The following CHRM3 variants were observed in gnomAD, a reference collection of about 807,000 sequenced individuals.
CHRM3 encodes the protein cholinergic receptor muscarinic 3.
Under a neutral mutation model 41.8 loss-of-function variants are expected in CHRM3, and 11 were observed. That is an observed-to-expected ratio of 0.26 (90% confidence interval 0.17 to 0.44). The LOEUF (loss-of-function observed/expected upper bound fraction) is 0.44. CHRM3 is among the 20% of genes least tolerant of loss of function. The probability of loss-of-function intolerance (pLI) is 1.00; values close to 1 mark genes in which losing one functional copy is unlikely to be tolerated. For missense variants in CHRM3, 571 were observed against 745.4 expected, an observed-to-expected ratio of 0.77 and a Z score of 2.72; for synonymous variants, 297 against 301.4, an observed-to-expected ratio of 0.99 and a Z score of 0.15.
chr1:239,433,626 C>G (rs907703516), intron 1 of CHRM3, among the ~76,000 whole-genome samples: 3 of 151,978 alleles, frequency 2.0e-5, no homozygotes, highest in Non-Finnish European at 4.4e-5. Flanking sequence ...ACCCTTCCCC[C>G]AAGTTCCCAA....
intron 1 of CHRM3, among the ~76,000 whole-genome samples, chr1:239,489,241 G>T (rs1463787646): frequency 6.6e-6 from 1 of 152,036 alleles, no homozygotes. Flanking sequence ...GTGAAACCCT[G>T]TCGCTACTAA....
At chr1:239,461,056 G>A (rs890147503) in intron 1 of CHRM3, among the ~76,000 whole-genome samples, 2 of 152,126 alleles carry the variant, frequency 1.3e-5, no homozygotes, top group African/African-American at 4.8e-5. Flanking sequence ...GTTCTTCTAA[G>A]AGCCAACATG....
rs1004840015 is a variant in CHRM3, at chr1:239,910,473, T to C, written c.*1249T>C. On this transcript the variant is annotated 3_prime_UTR_variant, in exon 7 of 7. Transcript: ENST00000676153. Reference sequence around the variant, plus strand: ...TGTGGCCAGTGCTTTCTGGTGTTCATTGTGTAACCTTCACCCAGGAATAGG... The same window carrying C: ...TGTGGCCAGTGCTTTCTGGTGTTCACTGTGTAACCTTCACCCAGGAATAGG... 2.4e-5 allele frequency: 4 copies of C among 166,872 alleles called. No homozygotes were observed. Among genetic ancestry groups the C allele is most frequent in the African/African-American group, 9.7e-5 (4 of 41,384 alleles). 10.3% of individuals were successfully genotyped at this position (166,872 alleles called of 1,614,324 possible). A position where few individuals can be genotyped will look rare whatever the true frequency, so the allele number is the denominator to read the frequency against.
intron 1 of CHRM3, among the ~76,000 whole-genome samples, chr1:239,397,337 C>CT (rs200395378): frequency 0.028 from 4,337 of 152,186 alleles, 83 homozygotes; most frequent in Non-Finnish European, 0.042. Flanking sequence ...AGGTATATTA[C>CT]TTTTTGTTCC....
At chr1:239,536,787 C>G (rs1572638441) in intron 2 of CHRM3, among the ~76,000 whole-genome samples, 1 of 152,144 alleles carries the variant, frequency 6.6e-6, no homozygotes, top group East Asian at 1.9e-4. Context: ...ATCAGTTATA[C>G]ACTGACTTTT....
intron 1 of CHRM3, among the ~76,000 whole-genome samples, chr1:239,462,062 T>A (rs1288434309): frequency 6.6e-6 from 1 of 152,336 alleles, no homozygotes; most frequent in South Asian, 2.1e-4. Context: ...AATTTACTCA[T>A]GGGCTGAGTT....
Position 239,872,317 on chromosome 1 carries a change from G to A in CHRM3, c.-19-35116G>A, listed in dbSNP as rs975343891. Among the ~76,000 whole-genome samples, 4 of 152,220 alleles carry A rather than the reference G, an allele frequency of 2.6e-5. No individual in the cohort carries two copies. In the East Asian group the frequency reaches 7.7e-4, roughly 29 times the overall value. On this transcript the variant is annotated intron_variant, in intron 6 of 6. Coordinates refer to ENST00000676153, the MANE Select transcript of CHRM3 (RefSeq NM_001375978.1). ...AGTTTTCATCTCTATAAAATGAGGT[G>A]ATGAACTTTAATATCCCAGAGCTAT...
At chr1:239,701,476 T>C (rs563196091) in intron 5 of CHRM3, among the ~76,000 whole-genome samples, 13 of 152,298 alleles carry the variant, frequency 8.5e-5, no homozygotes, top group East Asian at 5.8e-4. Context: ...GCAAGATCTG[T>C]CCTTAAAATG....
At chr1:239,885,890 G>A (rs1008343403) in intron 6 of CHRM3, among the ~76,000 whole-genome samples, 1 of 152,192 alleles carries the variant, frequency 6.6e-6, no homozygotes, top group Non-Finnish European at 1.5e-5. Context: ...CTTGTCTGAT[G>A]TGTCACTTGG....
At position 239,433,634 on chromosome 1, in the gene CHRM3, C is replaced by T. The variant is rs1478121702; in HGVS notation, c.-521+46407C>T. The stretch of plus-strand genomic sequence containing the variant: ...CCCTCCCACCCTTCCCCCAAGTTCC[C>T]AAAGTCCATTGTATCATTCTTATGC... On this transcript the variant is annotated intron_variant, in intron 1 of 6. Coordinates refer to ENST00000676153, the MANE Select transcript of CHRM3 (RefSeq NM_001375978.1). Among the ~76,000 whole-genome samples, 7 of 152,036 alleles carry T rather than the reference C, an allele frequency of 4.6e-5. 1 individual carries two copies. The highest frequency in any genetic ancestry group is 6.8e-3 in the Middle Eastern group (2 of 292).
intron 5 of CHRM3, among the ~76,000 whole-genome samples, chr1:239,708,924 T>C (rs1661482629): frequency 6.6e-6 from 1 of 151,868 alleles, no homozygotes; most frequent in Non-Finnish European, 1.5e-5. Flanking sequence ...CTCCAATAAA[T>C]GTAATTATCA....
chr1:239,904,978 C>T (rs1679859014), intron 6 of CHRM3, among the ~76,000 whole-genome samples: 1 of 152,162 alleles, frequency 6.6e-6, no homozygotes, highest in Non-Finnish European at 1.5e-5. Context: ...CTCCTGAGAT[C>T]ATGGATTTTG....
At chr1:239,534,742 A>C (rs1156543967) in intron 2 of CHRM3, among the ~76,000 whole-genome samples, 2 of 152,220 alleles carry the variant, frequency 1.3e-5, no homozygotes, top group South Asian at 4.1e-4. Flanking sequence ...ATGAAGATTA[A>C]ATCATAAGAT....
At chr1:239,394,963 T>C (rs1053848090) in intron 1 of CHRM3, among the ~76,000 whole-genome samples, 1 of 152,140 alleles carries the variant, frequency 6.6e-6, no homozygotes, top group African/African-American at 2.4e-5. Context: ...ATCTTTTGAC[T>C]CCTCTCATCC....
At chr1:239,519,741 CTT>C (rs386370161) in intron 2 of CHRM3, among the ~76,000 whole-genome samples, 8 of 85,048 alleles carry the variant, frequency 9.4e-5, no homozygotes, top group African/African-American at 3.9e-4. Context: ...AAAACTAGTT[CTT>C]TTTTTTTTTT....
chr1:239,494,025 G>A (rs552445224), intron 2 of CHRM3, among the ~76,000 whole-genome samples: 2 of 152,156 alleles, frequency 1.3e-5, no homozygotes, highest in Non-Finnish European at 2.9e-5. Flanking sequence ...ATTTGGTAAT[G>A]TATGGGCTCT....
chr1:239,407,237 T>A (rs371427517), intron 1 of CHRM3, among the ~76,000 whole-genome samples: 18 of 152,240 alleles, frequency 1.2e-4, no homozygotes, highest in African/African-American at 4.1e-4. Context: ...CGTTTTGTGA[T>A]CACTTCCTCT....
chr1:239,546,418 T>A, intron 3 of CHRM3: 1 of 152,048 alleles, frequency 6.6e-6, no homozygotes, highest in East Asian at 1.9e-4. Context: ...ACTCTCAAAC[T>A]CTGTAAAAAT....
intron 1 of CHRM3, among the ~76,000 whole-genome samples, chr1:239,404,474 A>C (rs576044598): frequency 1.6e-4 from 23 of 147,164 alleles, no homozygotes; most frequent in Admixed American, 1.4e-3. Flanking sequence ...AAGAAAAAGA[A>C]AGAAAGAAAG....
Sources: allele counts gnomAD v4.1 joint callset (sites outside exome capture counted in the v4.1 genomes callset), GRCh38; gene constraint gnomAD v4.1.1; transcripts MANE v1.5; gene names NCBI Gene and HGNC (gene_info 2026-07-23, HGNC 2026-07-21).